PHIP: variants seen among roughly 807,000 people sequenced by gnomAD.
PHIP encodes PH-interacting protein.
PHIP carries 54 observed loss-of-function variants against 236.8 expected under a neutral mutation model. That is an observed-to-expected ratio of 0.23 (90% CI 0.18 to 0.29). PHIP has a LOEUF of 0.29. PHIP is among the 10% of genes least tolerant of loss of function. PHIP has a pLI of 1.00. For synonymous variants in PHIP, 756 were observed against 718.9 expected, an observed-to-expected ratio of 1.05 and a Z score of -0.83; for missense variants, 1,370 against 2,190.8, an observed-to-expected ratio of 0.63 and a Z score of 7.48.
chr6:79,074,930 G>T (rs751767736), intron 4 of PHIP, among the ~76,000 whole-genome samples: 14 of 152,010 alleles, frequency 9.2e-5, no homozygotes, highest in Non-Finnish European at 1.9e-4. Flanking sequence ...ATTTCAATGC[G>T]ATGTGATATA....
intron 4 of PHIP, among the ~76,000 whole-genome samples, chr6:79,069,006 A>G (rs1034291390): frequency 6.6e-6 from 1 of 151,910 alleles, no homozygotes; most frequent in Non-Finnish European, 1.5e-5. Context: ...TCTCAAATCT[A>G]TTCTCTCACA....
intron 39 of PHIP, 102 bp from the exon 40 acceptor site, chr6:78,941,432 A>G: frequency 1.5e-6 from 1 of 650,954 alleles, no homozygotes; most frequent in Non-Finnish European, 2.5e-6. Context: ...ATGTAATGAC[A>G]TAATCCAAAT....
In PHIP at chr6:79,077,709, G is replaced by A. The variant is rs1053054217; in HGVS notation, c.120C>T (p.Ala40=). Residue 40 remains alanine, a synonymous_variant, in exon 3 of 40, where the codon GCC becomes GCT. Coordinates refer to ENST00000275034, the MANE Select transcript of PHIP (RefSeq NM_017934.7). ...CCGCCGCCGCCCTTACCTCCTTCTC[G>A]GCCACCTCGCGGATCAGCACCTGCA... is the stretch of plus-strand genomic sequence containing the variant. ...QAAQVLIREV[A]EKELLPRRTD... is the part of the protein sequence containing the mutation. 9.3e-5 allele frequency: 94 copies of A among 1,012,562 alleles called. No homozygotes were observed. The highest frequency in any genetic ancestry group is 1.1e-4 in the Non-Finnish European group (91 of 849,570). The allele number at this position is 1,012,562 out of a possible 1,614,324, so 62.7% of individuals were successfully genotyped here. A position where few individuals can be genotyped will look rare whatever the true frequency, so the allele number is the denominator to read the frequency against.
In PHIP at chr6:78,997,542, A is replaced by G. The variant is rs1334910374; in HGVS notation, c.2073T>C (p.Arg691=). The G allele has an allele frequency of 1.2e-5, 20 of 1,613,826 alleles. No homozygotes were observed. Among genetic ancestry groups the G allele is most frequent in the Admixed American group, 1.7e-5 (1 of 59,968 alleles). ...VHSPPNVGLR[R]SGQIEGVRQM... is the part of the protein sequence containing the mutation. ...GCCGTACACCTTCAATTTGTCCACT[A>G]CGTCTTAGTCCTACGTTTGGTGGTG... The change falls in exon 19 of 40, where the codon CGT becomes CGC. Residue 691 remains arginine, a synonymous_variant. Transcript: ENST00000275034.
rs1285482106 is a variant in PHIP, at chr6:78,958,488, G to A, written c.3769C>T (p.Leu1257=). The change falls in exon 32 of 40, where the codon CTA becomes TTA. Residue 1257 remains leucine, a synonymous_variant. Coordinates refer to ENST00000275034, the MANE Select transcript of PHIP (RefSeq NM_017934.7). ...AAGATAACTTACTTTATAAAATGTA[G>A]AAGAAGATCAGTCACGAATTTAGCA... ...KSAKFVTDLL[L]HFIKDQTCYN... is the part of the protein sequence containing the mutation. The A allele has an allele frequency of 6.5e-7, 1 of 1,529,194 alleles. No homozygotes were observed. Among genetic ancestry groups the A allele is most frequent in the African/African-American group, 1.4e-5 (1 of 73,072 alleles). The allele number at this position is 1,529,194 out of a possible 1,614,324, so 94.7% of individuals were successfully genotyped here. A position where few individuals can be genotyped will look rare whatever the true frequency, so the allele number is the denominator to read the frequency against.
chr6:78,944,259 T>G (rs1416928697), intron 39 of PHIP, among the ~76,000 whole-genome samples: 1 of 152,166 alleles, frequency 6.6e-6, no homozygotes, highest in Non-Finnish European at 1.5e-5. Flanking sequence ...GAGTCTTGTG[T>G]AACAGGCAAA....
intron 28 of PHIP, 26 bp downstream of exon 28, chr6:78,965,919 C>T: frequency 6.5e-7 from 1 of 1,538,092 alleles, no homozygotes; most frequent in Non-Finnish European, 9.0e-7. Flanking sequence ...CCTAGGTGAA[C>T]TAAAATACAA....
Position 78,988,180 on chromosome 6 carries a change from T to C in PHIP, c.2460+29A>G, listed in dbSNP as rs757907677. 9.6e-6 allele frequency: 14 copies of C among 1,464,608 alleles called. No individual in the cohort carries two copies. In the African/African-American group the frequency reaches 1.4e-4, roughly 15 times the overall value. The allele number at this position is 1,464,608 out of a possible 1,614,324, so 90.7% of individuals were successfully genotyped here. On this transcript the variant is annotated intron_variant, in intron 21 of 39. Transcript: ENST00000275034. Reference sequence around the variant, plus strand: ...TTTAAAAAAATAAGTAAAAATGACATCTAATTTATGAATGTGCTGATATCT... The same window carrying C: ...TTTAAAAAAATAAGTAAAAATGACACCTAATTTATGAATGTGCTGATATCT...
intron 6 of PHIP, among the ~76,000 whole-genome samples, chr6:79,045,108 T>A (rs1772412177): frequency 6.6e-6 from 1 of 152,192 alleles, no homozygotes; most frequent in Non-Finnish European, 1.5e-5. Flanking sequence ...CTATTGGCTA[T>A]CTATACTATG....
At chr6:79,001,308 A>G (rs1030577340) in intron 17 of PHIP, among the ~76,000 whole-genome samples, 5 of 152,198 alleles carry the variant, frequency 3.3e-5, no homozygotes, top group Non-Finnish European at 7.4e-5. Context: ...ACACTCCATT[A>G]TACTTCACTA....
chr6:78,952,539 C>T (rs1387458228), intron 35 of PHIP, among the ~76,000 whole-genome samples: 1 of 151,756 alleles, frequency 6.6e-6, no homozygotes, highest in African/African-American at 2.4e-5. Flanking sequence ...TTTTGTTAGA[C>T]ATATTTTGGA....
At position 78,934,560 on chromosome 6, in the gene PHIP, C is replaced by T. The variant is rs1399837739; in HGVS notation, c.*6133G>A. On this transcript the variant is annotated 3_prime_UTR_variant, in exon 40 of 40. Coordinates refer to ENST00000275034, the MANE Select transcript of PHIP (RefSeq NM_017934.7). ...AGAAAACCTCACACTTAACAACAATCAGGTCATGGCCGCAAGACACAGCTT... is the reference window on the plus strand; with the variant it reads ...AGAAAACCTCACACTTAACAACAATTAGGTCATGGCCGCAAGACACAGCTT... Among the ~76,000 whole-genome samples, 1 of 152,152 alleles carries T rather than the reference C, an allele frequency of 6.6e-6. No individual in the cohort carries two copies. The highest frequency in any genetic ancestry group is 2.4e-5 in the African/African-American group (1 of 41,442).
At chr6:78,976,613 C>T (rs1245982656) in intron 24 of PHIP, among the ~76,000 whole-genome samples, 30 of 142,892 alleles carry the variant, frequency 2.1e-4, no homozygotes, top group African/African-American at 6.7e-4. Context: ...AGAAAATTTT[C>T]GCAATCTACT....
At chr6:79,003,023 T>C (rs1255484050) in intron 16 of PHIP, among the ~76,000 whole-genome samples, 2 of 152,140 alleles carry the variant, frequency 1.3e-5, no homozygotes, top group Non-Finnish European at 2.9e-5. Flanking sequence ...AACTACTCAA[T>C]ATTTACTATC....
chr6:78,963,529 T>C (rs1272025246), intron 29 of PHIP, among the ~76,000 whole-genome samples: 1 of 152,198 alleles, frequency 6.6e-6, no homozygotes, highest in Non-Finnish European at 1.5e-5. Context: ...AAATCATTTC[T>C]ATAAAATATG....
chr6:79,017,402 TAA>T lies in PHIP; in HGVS notation c.1096-18_1096-17del, dbSNP rs777375143. ...CAACTTTGTCCTATATATAAACAAA[TAA>T]ACAAAAAAGTGGGTGCTGAATATAA... On this transcript the variant is annotated splice_polypyrimidine_tract_variant and intron_variant, in intron 11 of 39. Transcript: ENST00000275034. 53 of 1,587,480 alleles carry T rather than the reference TAA, an allele frequency of 3.3e-5. No homozygotes were observed. The highest frequency in any genetic ancestry group is 6.9e-6 in the Non-Finnish European group (8 of 1,163,516).
At position 78,988,929 on chromosome 6, in the gene PHIP, T is replaced by C. The variant is rs185571161; in HGVS notation, c.2320-580A>G. ...GGATCATAAAGCTACCCTGCCACTATGAAGATAAGATGCCATGTGGCTGGC... is the reference window on the plus strand; with the variant it reads ...GGATCATAAAGCTACCCTGCCACTACGAAGATAAGATGCCATGTGGCTGGC... On this transcript the variant is annotated intron_variant, in intron 20 of 39. Transcript: ENST00000275034. 6.6e-5 allele frequency among the ~76,000 whole-genome samples: 10 copies of C among 152,320 alleles called. No homozygotes were observed. The South Asian group carries it at 8.3e-4, about 13-fold the overall frequency.
intron 35 of PHIP, among the ~76,000 whole-genome samples, chr6:78,952,569 A>G (rs2127688712): frequency 6.6e-6 from 1 of 151,802 alleles, no homozygotes; most frequent in East Asian, 1.9e-4. Context: ...TCTATCTACC[A>G]CTACCTCTTA....
Position 79,077,423 on chromosome 6 carries a change from TTGCTC to T in PHIP, c.189+20_189+24del. On this transcript the variant is annotated intron_variant, in intron 4 of 39. Coordinates refer to ENST00000275034, the MANE Select transcript of PHIP (RefSeq NM_017934.7). ...TTATTCGACTCAGGGAAAAGTTTCTTTGCTCTGCGACGTGAATGTCTCACCAGATT... is the reference window on the plus strand; with the variant it reads ...TTATTCGACTCAGGGAAAAGTTTCTTTGCGACGTGAATGTCTCACCAGATT... 6.3e-7 allele frequency: 1 copy of T among 1,579,958 alleles called. No homozygotes were observed. The highest frequency in any genetic ancestry group is 8.7e-7 in the Non-Finnish European group (1 of 1,154,352).
Sources: allele counts gnomAD v4.1 joint callset (sites outside exome capture counted in the v4.1 genomes callset), GRCh38; gene constraint gnomAD v4.1.1; transcripts MANE v1.5; gene names NCBI Gene and HGNC (gene_info 2026-07-23, HGNC 2026-07-21).